The following PIWIL3 variants were observed in gnomAD, a reference collection of about 807,000 sequenced individuals.
PIWIL3 encodes piwi like RNA-mediated gene silencing 3.
Under a neutral mutation model 109.7 loss-of-function variants are expected in PIWIL3, and 101 were observed. The observed-to-expected ratio is 0.92, with a 90% CI of 0.78 to 1.09. PIWIL3 has a LOEUF of 1.09. Among genes scored for constraint, PIWIL3 ranks in the 50% least tolerant of loss-of-function variants. PIWIL3 has a pLI of 0.00. For synonymous variants in PIWIL3, 373 were observed against 376.4 expected, an observed-to-expected ratio of 0.99 and a Z score of 0.10; for missense variants, 1,031 against 1,072.6, an observed-to-expected ratio of 0.96 and a Z score of 0.54.
intron 13 of PIWIL3, among the ~76,000 whole-genome samples, 185 bp downstream of exon 13, chr22:24,735,523 A>G (rs1209301024): frequency 6.6e-6 from 1 of 152,230 alleles, no homozygotes; most frequent in Non-Finnish European, 1.5e-5. Context: ...CTTCTACAAC[A>G]TGTATCTTAA....
rs377326400 is a variant in PIWIL3 at position 24,726,287 on chromosome 22, CTTTT to C, written c.2010-776_2010-773del. Reference sequence around the variant, plus strand: ...AAGGTATTGGCTATTTTCTTTCTTTCTTTTTTTTTTTTTGAAACGGAGTCTCGCT... The same window carrying C: ...AAGGTATTGGCTATTTTCTTTCTTTCTTTTTTTTTGAAACGGAGTCTCGCT... On this transcript the variant is annotated intron_variant, in intron 16 of 20. Transcript: ENST00000616349. 2.1e-5 allele frequency among the ~76,000 whole-genome samples: 3 copies of C among 143,966 alleles called. 1 individual carries two copies. Among genetic ancestry groups the C allele is most frequent in the African/African-American group, 7.6e-5 (3 of 39,278 alleles). 94.4% of individuals were successfully genotyped at this position (143,966 alleles called of 152,430 possible).
intron 4 of PIWIL3, among the ~76,000 whole-genome samples, chr22:24,757,043 C>T (rs1024288561): frequency 7.0e-6 from 1 of 142,714 alleles, no homozygotes; most frequent in Non-Finnish European, 1.5e-5. Context: ...CATACTATTG[C>T]CCTCCAGCCT....
At position 24,719,911 on chromosome 22, in the gene PIWIL3, A is replaced by T. The variant is rs752057987; in HGVS notation, c.2358-16T>A. ...AAAGTCATACCTGGAAATATAGGACATGTGGGTATCAGCTCATTTTAGAAA... is the reference window on the plus strand; with the variant it reads ...AAAGTCATACCTGGAAATATAGGACTTGTGGGTATCAGCTCATTTTAGAAA... On this transcript the variant is annotated splice_polypyrimidine_tract_variant and intron_variant, in intron 19 of 20. Transcript: ENST00000616349. 1.9e-6 allele frequency: 3 copies of T among 1,597,318 alleles called. No individual in the cohort carries two copies. The highest frequency in any genetic ancestry group is 2.2e-5 in the East Asian group (1 of 44,716).
intron 14 of PIWIL3, among the ~76,000 whole-genome samples, chr22:24,732,575 G>A (rs1395288414): frequency 6.6e-6 from 1 of 152,206 alleles, no homozygotes; most frequent in Non-Finnish European, 1.5e-5. Flanking sequence ...TGTAATCCCA[G>A]CACTTTGGGA....
chr22:24,735,035 CGGTAAAAA>C (rs1923581147), intron 13 of PIWIL3, among the ~76,000 whole-genome samples: 1 of 150,610 alleles, frequency 6.6e-6, no homozygotes, highest in Non-Finnish European at 1.5e-5. Flanking sequence ...ACCATGGAGA[CGGTAAAAA>C]AATAAAAAAA....
intron 16 of PIWIL3, 103 bp from the exon 17 acceptor site, chr22:24,725,618 A>T: frequency 9.2e-7 from 1 of 1,088,484 alleles, no homozygotes; most frequent in Non-Finnish European, 1.4e-6. Context: ...GTAGTTAAGG[A>T]CATTTTAGCA....
chr22:24,750,481 G>C, intron 9 of PIWIL3, among the ~76,000 whole-genome samples: 1 of 109,028 alleles, frequency 9.2e-6, no homozygotes, highest in South Asian at 2.9e-4. Flanking sequence ...TACCACATTT[G>C]ATTTTTTTTC....
intron 4 of PIWIL3, among the ~76,000 whole-genome samples, chr22:24,757,241 T>G (rs1176488325): frequency 6.6e-6 from 1 of 152,122 alleles, no homozygotes; most frequent in African/African-American, 2.4e-5. Flanking sequence ...ACTGAATAGA[T>G]TGAAAATTAG....
rs780294646 is a variant in PIWIL3, at chr22:24,751,402, T to C, written c.1074A>G (p.Ile358Met). The change falls in exon 9 of 21, where the codon ATA becomes ATG. Residue 358 changes from isoleucine (I) to methionine (M), a missense_variant. Physicochemically the swap from Ile to Met is conservative, Grantham distance 10. Transcript: ENST00000616349. ...AGTTTCATACCTGCCTGTAGTAGTC[T>C]ATATAGGTGATTTTGCTGCCATCTG... ...NKSDGSKITY[I>M]DYYRQQHKEI... 6.2e-7 allele frequency: 1 copy of C among 1,613,398 alleles called. No homozygotes were observed. Among genetic ancestry groups the C allele is most frequent in the South Asian group, 1.1e-5 (1 of 90,888 alleles).
chr22:24,723,367 C>T, intron 18 of PIWIL3, 112 bp from the exon 19 acceptor site: 1 of 1,113,710 alleles, frequency 9.0e-7, no homozygotes. Context: ...GAACAGACAG[C>T]AGCCCTCCTT....
At chr22:24,770,981 G>T (rs141987397) in intron 1 of PIWIL3, among the ~76,000 whole-genome samples, 35 of 152,140 alleles carry the variant, frequency 2.3e-4, no homozygotes, top group African/African-American at 8.0e-4. Flanking sequence ...GCACCCACCT[G>T]TGCTCCAGGG....
chr22:24,746,302 C>T (rs895523349), intron 12 of PIWIL3, among the ~76,000 whole-genome samples: 1 of 152,144 alleles, frequency 6.6e-6, no homozygotes. Context: ...GATATATCCA[C>T]AGAATGAAGG....
intron 12 of PIWIL3, among the ~76,000 whole-genome samples, chr22:24,740,214 GTC>G (rs1923912233): frequency 4.4e-5 from 1 of 22,778 alleles, no homozygotes. Flanking sequence ...GAGGGAGACT[GTC>G]TCAAAAAAAA....
At chr22:24,756,995 C>A (rs1381321066) in intron 4 of PIWIL3, among the ~76,000 whole-genome samples, 3 of 145,032 alleles carry the variant, frequency 2.1e-5, no homozygotes, top group Non-Finnish European at 4.5e-5. Flanking sequence ...AGGAGAATCA[C>A]TTGAACCCAG....
intron 11 of PIWIL3, 54 bp downstream of exon 11, chr22:24,749,350 T>G: frequency 6.3e-7 from 1 of 1,593,760 alleles, no homozygotes; most frequent in Non-Finnish European, 8.5e-7. Context: ...GCCATCAGCT[T>G]CACTGGGACA....
rs201629118 is a variant in PIWIL3, at chr22:24,728,002, G to A, written c.1957C>T (p.Arg653Ter). The A allele has an allele frequency of 1.4e-5, 23 of 1,613,796 alleles. No individual in the cohort carries two copies. The highest frequency in any genetic ancestry group is 2.2e-5 in the East Asian group (1 of 44,880). The part of the protein sequence containing the change: ...GIDCFHDIVN[R>*]QKSIAGFVAS... Reference sequence around the variant, plus strand: ...ACAAATCCTGCTATTGATTTCTGTCGATTTACGATATCGTGGAAACAATCA... The same window carrying A: ...ACAAATCCTGCTATTGATTTCTGTCAATTTACGATATCGTGGAAACAATCA... The change falls in exon 16 of 21, where the codon CGA (arginine) becomes TGA (stop). Residue 653 changes from arginine (R) to a stop codon, truncating the protein, a stop_gained. Transcript: ENST00000616349. LOFTEE classifies it high-confidence loss of function.
chr22:24,747,424 A>G (rs1924437392), intron 12 of PIWIL3, among the ~76,000 whole-genome samples: 1 of 152,180 alleles, frequency 6.6e-6, no homozygotes, highest in Admixed American at 6.5e-5. Context: ...ATACCCCACA[A>G]GCACAGGCAA....
intron 1 of PIWIL3, among the ~76,000 whole-genome samples, chr22:24,762,880 C>T (rs1430638736): frequency 1.3e-5 from 2 of 152,068 alleles, no homozygotes; most frequent in African/African-American, 4.8e-5. Flanking sequence ...AGGATTCCAC[C>T]CCCAGGGCCC....
Position 24,725,365 on chromosome 22 carries a change from T to C in PIWIL3, c.2080+80A>G, listed in dbSNP as rs1922926732. ...AACTAAAGGTTCAGTCATTACCAAG[T>C]GTCCCCTGGAGGCAGTAAGTCCATT... On this transcript the variant is annotated intron_variant, in intron 17 of 20. Transcript: ENST00000616349. 2.0e-6 allele frequency: 3 copies of C among 1,526,274 alleles called. No homozygotes were observed. In the Admixed American group the frequency reaches 5.2e-5, roughly 26 times the overall value. 94.5% of individuals were successfully genotyped at this position (1,526,274 alleles called of 1,614,324 possible). A position where few individuals can be genotyped will look rare whatever the true frequency, so the allele number is the denominator to read the frequency against.
Sources: allele counts gnomAD v4.1 joint callset (sites outside exome capture counted in the v4.1 genomes callset), GRCh38; gene constraint gnomAD v4.1.1; transcripts MANE v1.5; gene names NCBI Gene and HGNC (gene_info 2026-07-23, HGNC 2026-07-21).